The following CPS1 variants were observed in gnomAD, a reference collection of about 807,000 sequenced individuals.
CPS1 encodes carbamoyl-phosphate synthase 1.
A neutral mutation model predicts 174.6 loss-of-function variants in CPS1; 109 were observed. That is an observed-to-expected ratio of 0.62 (90% CI 0.53 to 0.73). The LOEUF is 0.73. CPS1 is among the 30% of genes least tolerant of loss of function. The probability of loss-of-function intolerance (pLI) is 0.00; values close to 1 mark genes in which losing one functional copy is unlikely to be tolerated. For synonymous variants in CPS1, 637 were observed against 632.0 expected (o/e 1.01, Z -0.12); for missense variants, 1,689 against 1,821.9 (o/e 0.93, Z 1.33).
rs1021210476 is a variant in CPS1 at position 210,600,745 on chromosome 2, A to G, written c.1707+33A>G. The G allele has an allele frequency of 6.8e-6, 11 of 1,609,176 alleles. No individual in the cohort carries two copies. The South Asian group carries it at 9.9e-5, about 14-fold the overall frequency. ...TTCTTTGCTTTGGAAAAACAAGGGCATTATTTGTCTTGTGTTGTAGGGAGA... is the reference window on the plus strand; with the variant it reads ...TTCTTTGCTTTGGAAAAACAAGGGCGTTATTTGTCTTGTGTTGTAGGGAGA... On this transcript the variant is annotated intron_variant, in intron 15 of 37. Transcript: ENST00000233072.
At chr2:210,612,435 T>G in intron 20 of CPS1, 142 bp downstream of exon 20, 1 of 745,518 alleles carries the variant, frequency 1.3e-6, no homozygotes, top group Non-Finnish European at 2.3e-6. Flanking sequence ...AGTATTAAAC[T>G]GGAAACATCT....
intron 17 of CPS1, among the ~76,000 whole-genome samples, chr2:210,606,143 T>A (rs1698899659): frequency 6.6e-6 from 1 of 151,938 alleles, no homozygotes; most frequent in Admixed American, 6.6e-5. Flanking sequence ...CTGTGAGCTC[T>A]ATTAAAAGGA....
chr2:210,625,517 A>G (rs1699673194), intron 21 of CPS1, among the ~76,000 whole-genome samples: 1 of 152,090 alleles, frequency 6.6e-6, no homozygotes, highest in African/African-American at 2.4e-5. Context: ...ATGATGACTC[A>G]GAATGTTTAA....
chr2:210,573,264 T>C (rs565488777), intron 1 of CPS1, 34 bp from the exon 2 acceptor site: 1 of 1,536,636 alleles, frequency 6.5e-7, no homozygotes, highest in East Asian at 2.2e-5. Flanking sequence ...TTGTATTATG[T>C]ATTCTGCTAA....
In CPS1 at chr2:210,602,259, G is replaced by T; in HGVS notation, c.1765G>T (p.Ala589Ser). ...TGGCTACCCAGTGATGATCCGTTCC[G>T]CCTATGCACTGGGTGGGTTAGGCTC... is the stretch of plus-strand genomic sequence containing the variant. ...TIGYPVMIRSAYALGGLGSGI... is the reference protein window; with the variant it reads ...TIGYPVMIRSSYALGGLGSGI... The change falls in exon 16 of 38, where the codon GCC (alanine) becomes TCC (serine). Residue 589 changes from alanine (A) to serine (S), a missense_variant. Coordinates refer to ENST00000233072, the MANE Select transcript of CPS1 (RefSeq NM_001875.5). The T allele has an allele frequency of 6.2e-7, 1 of 1,612,502 alleles. No homozygotes were observed. The highest frequency in any genetic ancestry group is 1.1e-5 in the South Asian group (1 of 91,068).
intron 16 of CPS1, among the ~76,000 whole-genome samples, chr2:210,603,724 T>C (rs1698805472): frequency 6.6e-6 from 1 of 151,788 alleles, no homozygotes; most frequent in Non-Finnish European, 1.5e-5. Context: ...TATATTGTAC[T>C]CAAATAATCA....
In CPS1 at chr2:210,590,843, C is replaced by T; in HGVS notation, c.884C>T (p.Thr295Ile). The T allele has an allele frequency of 6.2e-7, 1 of 1,611,174 alleles. No homozygotes were observed. Among genetic ancestry groups the T allele is most frequent in the South Asian group, 1.1e-5 (1 of 91,026 alleles). The change falls in exon 9 of 38, where the codon ACA (threonine) becomes ATA (isoleucine). Residue 295 changes from threonine to isoleucine, a missense_variant. Transcript: ENST00000233072. The stretch of plus-strand genomic sequence containing the variant: ...AAGGAGCCATTGTTTGGAATCAGTA[C>T]AGGAAACTTAATAACAGGATTGGCT... ...DRKEPLFGIS[T>I]GNLITGLAAG...
intron 21 of CPS1, among the ~76,000 whole-genome samples, chr2:210,620,085 TA>T (rs1699458527): frequency 2.0e-5 from 3 of 151,652 alleles, no homozygotes; most frequent in Admixed American, 2.0e-4. Flanking sequence ...AAGTATAATA[TA>T]AAAAAAGAAA....
chr2:210,554,104 CACATATATATATGTATGTAT>C (rs1696807785), upstream of CPS1, among the ~76,000 whole-genome samples: 2 of 142,898 alleles, frequency 1.4e-5, no homozygotes, highest in South Asian at 4.3e-4. Context: ...TATGTATATA[CACATATATATATGTATGTAT>C]ATATACATAC....
In CPS1 at chr2:210,599,361, G is replaced by A; in HGVS notation, c.1360-11G>A. ...ATATATTCATGTACTGGATTCTTTT[G>A]TTTCTTTCAGGAAGAAAATGTCAAA... On this transcript the variant is annotated splice_polypyrimidine_tract_variant and intron_variant, in intron 13 of 37. Coordinates refer to ENST00000233072, the MANE Select transcript of CPS1 (RefSeq NM_001875.5). 1 of 1,611,278 alleles carries A rather than the reference G, an allele frequency of 6.2e-7. No homozygotes were observed. The highest frequency in any genetic ancestry group is 8.5e-7 in the Non-Finnish European group (1 of 1,178,164).
At position 210,648,511 on chromosome 2, in the gene CPS1, C is replaced by T. The variant is rs1381512911; in HGVS notation, c.3375C>T (p.Pro1125=). Residue 1125 remains proline, a synonymous_variant, in exon 27 of 38, where the codon CCC becomes CCT. Transcript: ENST00000233072. ...AATTTGCAAAGTCTGTGGACTACCC[C>T]TGCTTGTTGAGGCCTTCCTATGTTT... ...ALEFAKSVDY[P]CLLRPSYVLS... 10 of 1,613,666 alleles carry T rather than the reference C, an allele frequency of 6.2e-6. No individual in the cohort carries two copies. Among genetic ancestry groups the T allele is most frequent in the Non-Finnish European group, 8.5e-6 (10 of 1,179,742 alleles).
chr2:210,578,176 T>C (rs1697777060), intron 4 of CPS1, among the ~76,000 whole-genome samples: 1 of 152,148 alleles, frequency 6.6e-6, no homozygotes, highest in South Asian at 2.1e-4. Flanking sequence ...TGGGGCAATC[T>C]CAGCTCACTG....
intron 1 of CPS1, among the ~76,000 whole-genome samples, chr2:210,567,761 C>G (rs1260161345): frequency 6.6e-6 from 1 of 152,102 alleles, no homozygotes; most frequent in Non-Finnish European, 1.5e-5. Flanking sequence ...TTTTGGGCAG[C>G]AATTGCCACC....
chr2:210,665,647 A>G (rs1701071294), intron 33 of CPS1, among the ~76,000 whole-genome samples: 2 of 151,866 alleles, frequency 1.3e-5, no homozygotes, highest in Non-Finnish European at 2.9e-5. Context: ...CCTACAAAGG[A>G]CATGAACTCA....
chr2:210,535,783 C>T (rs1257347933), intron 1 of CPS1, among the ~76,000 whole-genome samples: 1 of 147,700 alleles, frequency 6.8e-6, no homozygotes, highest in Non-Finnish European at 1.5e-5. Flanking sequence ...ACTACATGTA[C>T]TTAAAAAAAG....
intron 1 of CPS1, among the ~76,000 whole-genome samples, chr2:210,513,715 G>T (rs1695596471): frequency 6.6e-6 from 1 of 151,912 alleles, no homozygotes; most frequent in South Asian, 2.1e-4. Flanking sequence ...GTGAATTTTT[G>T]TTTCTGTTGC....
At chr2:210,556,150 C>T (rs573693395), upstream of CPS1, among the ~76,000 whole-genome samples, 16 of 152,096 alleles carry the variant, frequency 1.1e-4, no homozygotes, top group East Asian at 1.9e-3. Flanking sequence ...TTTATTCTAA[C>T]GTTCTTTTTA....
In CPS1 at chr2:210,599,394, T is replaced by C; in HGVS notation, c.1382T>C (p.Leu461Pro). 6.2e-7 allele frequency: 1 copy of C among 1,612,432 alleles called. No individual in the cohort carries two copies. The highest frequency in any genetic ancestry group is 1.3e-5 in the African/African-American group (1 of 74,914). ...AMKEENVKTVLMNPNIASVQT... is the reference protein window; with the variant it reads ...AMKEENVKTVPMNPNIASVQT... ...CAGGAAGAAAATGTCAAAACTGTTC[T>C]GATGAACCCAAACATTGCATCAGTC... Residue 461 changes from leucine (L) to proline (P), a missense_variant, in exon 14 of 38, where the codon CTG becomes CCG. Transcript: ENST00000233072.
At chr2:210,647,724 C>T in intron 25 of CPS1, 139 bp from the exon 26 acceptor site, 1 of 1,107,718 alleles carries the variant, frequency 9.0e-7, no homozygotes, top group East Asian at 2.5e-5. Flanking sequence ...CATCATTTAA[C>T]AGTATTCATT....
Sources: gnomAD v4.1 joint callset for allele counts (sites outside exome capture counted in the v4.1 genomes callset) on GRCh38, gnomAD v4.1.1 for gene constraint, MANE v1.5 for transcripts, NCBI Gene and HGNC (gene_info 2026-07-23, HGNC 2026-07-21) for gene names.